The following DAB1 variants were observed in gnomAD, a reference collection of about 807,000 sequenced individuals.
DAB1 encodes disabled homolog 1.
Under a neutral mutation model 64.6 loss-of-function variants are expected in DAB1, and 15 were observed. That is an observed-to-expected ratio of 0.23 (90% CI 0.16 to 0.36). The LOEUF is 0.36. Ranked by LOEUF, DAB1 falls within the 10% of genes least tolerant of loss-of-function variation. The pLI, the probability that DAB1 is intolerant of heterozygous loss-of-function variation, is 1.00. For missense variants in DAB1, 596 were observed against 706.7 expected (o/e 0.84, Z 1.78); for synonymous variants, 235 against 251.9 (o/e 0.93, Z 0.64).
In DAB1 at chr1:58,142,000, G is replaced by A. The variant is rs949425275; in HGVS notation, n.387+8511C>T. ...ACACAGCAGGCCCTGGTCAGTCACC[G>A]TGTCTTTGTGTATGTTGGTTCTCCT... On this transcript the variant is annotated intron_variant and non_coding_transcript_variant, in intron 5 of 20. Coordinates refer to the DAB1 transcript ENST00000485760. Among the ~76,000 whole-genome samples, 12 of 152,228 alleles carry A rather than the reference G, an allele frequency of 7.9e-5. No individual in the cohort carries two copies. The South Asian group carries it at 1.7e-3, about 21-fold the overall frequency.
exon 2 of DAB1, chr1:57,826,097 A>T (rs1220498647): frequency 2.6e-5 from 4 of 152,218 alleles, no homozygotes; most frequent in Non-Finnish European, 5.9e-5. Context: ...TTTTATTCAC[A>T]TGTAAAAATC....
intron 5 of DAB1, among the ~76,000 whole-genome samples, chr1:57,954,710 T>A (rs910701040): frequency 4.6e-5 from 7 of 152,170 alleles, no homozygotes; most frequent in Admixed American, 4.6e-4. Context: ...GGAGATGGAG[T>A]TCAGGATTAG....
intron 7 of DAB1, among the ~76,000 whole-genome samples, chr1:57,568,771 G>A (rs1570635782): frequency 6.6e-6 from 1 of 151,930 alleles, no homozygotes. Context: ...TAAAAAGTCA[G>A]GAAACAACAG....
intron 4 of DAB1, among the ~76,000 whole-genome samples, chr1:57,112,694 C>T (rs1655775398): frequency 6.6e-6 from 1 of 151,796 alleles, no homozygotes; most frequent in East Asian, 1.9e-4. Flanking sequence ...TAAATATCAC[C>T]CAAAGAAGCT....
rs185481975 is a variant in DAB1, at chr1:57,690,373, C to T, written n.552-40708G>A. 1.2e-3 allele frequency among the ~76,000 whole-genome samples: 185 copies of T among 152,226 alleles called. 1 individual carries two copies. Among genetic ancestry groups the T allele is most frequent in the African/African-American group, 4.1e-3 (170 of 41,538 alleles). On this transcript the variant is annotated intron_variant and non_coding_transcript_variant, in intron 6 of 20. Coordinates refer to the DAB1 transcript ENST00000485760. ...GGTAATTGGATCACGGGGCAGATTT[C>T]CCTCTTGCTGTTCTCATGATAGTGA... is the stretch of plus-strand genomic sequence containing the variant.
At chr1:57,697,137 C>T (rs988507671) in intron 6 of DAB1, among the ~76,000 whole-genome samples, 16 of 152,090 alleles carry the variant, frequency 1.1e-4, no homozygotes, top group African/African-American at 3.6e-4. Flanking sequence ...TTTTTCAAGT[C>T]ATAGTTGTTC....
chr1:57,377,278 A>AG (rs1289779934), intron 1 of DAB1, among the ~76,000 whole-genome samples: 18 of 138,028 alleles, frequency 1.3e-4, no homozygotes, highest in South Asian at 2.2e-4. Context: ...TTAAAAAAAA[A>AG]AAAAAAAGAA....
intron 7 of DAB1, among the ~76,000 whole-genome samples, chr1:57,562,856 A>T (rs1645069106): frequency 6.6e-6 from 1 of 152,230 alleles, no homozygotes; most frequent in African/African-American, 2.4e-5. Flanking sequence ...CCTTTAAGTT[A>T]ACAGGCTAAG....
intron 4 of DAB1, among the ~76,000 whole-genome samples, chr1:57,134,649 C>T (rs927533045): frequency 1.7e-4 from 26 of 152,026 alleles, no homozygotes; most frequent in African/African-American, 5.8e-4. Context: ...CAAACCTGCA[C>T]ATGTACCCCT....
chr1:58,462,450 C>G (rs979815446), intron 3 of DAB1: 4 of 152,152 alleles, frequency 2.6e-5, no homozygotes, highest in Admixed American at 2.0e-4. Context: ...CCCTCAATCC[C>G]AAGGCATCTC....
chr1:57,142,783 C>A (rs954190213), intron 3 of DAB1, among the ~76,000 whole-genome samples: 1 of 152,118 alleles, frequency 6.6e-6, no homozygotes, highest in Non-Finnish European at 1.5e-5. Context: ...CATTGAGGTG[C>A]TGTGTGACCG....
Position 57,953,826 on chromosome 1 carries a change from C to T in DAB1, n.388-69664G>A, listed in dbSNP as rs190899581. Among the ~76,000 whole-genome samples the T allele has an allele frequency of 2.9e-3, 449 of 152,226 alleles. 4 individuals carry two copies. The highest frequency in any genetic ancestry group is 9.7e-3 in the African/African-American group (404 of 41,538). ...TGGGTTCCTGTAATAAGGCCACATC[C>T]GCTGTCTGCTGGCCTTACCCTATGG... On this transcript the variant is annotated intron_variant and non_coding_transcript_variant, in intron 5 of 20. Transcript: ENST00000485760.
At chr1:58,462,149 T>C (rs1645249878) in intron 3 of DAB1, among the ~76,000 whole-genome samples, 1 of 141,884 alleles carries the variant, frequency 7.0e-6, no homozygotes, top group Non-Finnish European at 1.5e-5. Flanking sequence ...AGACGGAGTC[T>C]CGCTCTGTCG....
chr1:57,220,008 A>T (rs563237689), intron 2 of DAB1, among the ~76,000 whole-genome samples: 1 of 152,326 alleles, frequency 6.6e-6, no homozygotes, highest in Non-Finnish European at 1.5e-5. Flanking sequence ...AATACATTAG[A>T]CTACAAGCTT....
intron 7 of DAB1, among the ~76,000 whole-genome samples, chr1:57,483,169 T>C (rs1644045731): frequency 1.3e-5 from 2 of 152,220 alleles, no homozygotes; most frequent in African/African-American, 4.8e-5. Flanking sequence ...ATTTCCTCAA[T>C]TGATCTTATA....
intron 2 of DAB1, among the ~76,000 whole-genome samples, chr1:57,173,156 A>G (rs1169786987): frequency 6.6e-6 from 1 of 152,140 alleles, no homozygotes; most frequent in Non-Finnish European, 1.5e-5. Context: ...TTACCCCCAA[A>G]GCAGTGTGAA....
At chr1:57,925,690 C>A (rs149122426) in intron 5 of DAB1, among the ~76,000 whole-genome samples, 1 of 152,132 alleles carries the variant, frequency 6.6e-6, no homozygotes, top group African/African-American at 2.4e-5. Flanking sequence ...GGCCCAAAGA[C>A]GGAAAATGAC....
At chr1:57,552,533 A>T (rs1307937714) in intron 7 of DAB1, among the ~76,000 whole-genome samples, 3 of 152,230 alleles carry the variant, frequency 2.0e-5, no homozygotes, top group Non-Finnish European at 4.4e-5. Flanking sequence ...TGCTGAGCAA[A>T]GTACTCAAGA....
At chr1:58,529,151 A>C (rs955985639) in intron 1 of DAB1, among the ~76,000 whole-genome samples, 11 of 152,204 alleles carry the variant, frequency 7.2e-5, no homozygotes, top group Admixed American at 4.6e-4. Context: ...CCTTTACTTC[A>C]ATATAAATGA....
Sources: allele counts gnomAD v4.1 joint callset (sites outside exome capture counted in the v4.1 genomes callset), GRCh38; gene constraint gnomAD v4.1.1; transcripts MANE v1.5; gene names NCBI Gene and HGNC (gene_info 2026-07-23, HGNC 2026-07-21).